LYSMD2: variants seen among roughly 807,000 people sequenced by gnomAD.
LYSMD2 encodes the protein LysM domain containing 2.
In LYSMD2, 6 loss-of-function variants were observed where a neutral mutation model predicts 17.7. The observed-to-expected ratio is 0.34, with a 90% confidence interval of 0.19 to 0.67. The LOEUF (loss-of-function observed/expected upper bound fraction) is 0.67. Among genes scored for constraint, LYSMD2 ranks in the 30% least tolerant of loss-of-function variants. The pLI is 0.69. For missense variants in LYSMD2, 237 were observed against 286.7 expected (o/e 0.83, Z 1.25); for synonymous variants, 102 against 129.8 (o/e 0.79, Z 1.45).
At chr15:51,750,225 C>A (rs1438922031) in intron 1 of LYSMD2, among the ~76,000 whole-genome samples, 1 of 152,226 alleles carries the variant, frequency 6.6e-6, no homozygotes, top group African/African-American at 2.4e-5. Flanking sequence ...AAAATACCTT[C>A]ACTCTGCCTG....
intron 1 of LYSMD2, among the ~76,000 whole-genome samples, chr15:51,743,481 A>G (rs2055653039): frequency 6.6e-6 from 1 of 152,190 alleles, no homozygotes; most frequent in Non-Finnish European, 1.5e-5. Context: ...TGTTCCATTG[A>G]TCTATTTGTC....
chr15:51,731,341 T>A (rs913529760), intron 1 of LYSMD2, among the ~76,000 whole-genome samples: 2 of 152,256 alleles, frequency 1.3e-5, no homozygotes, highest in Admixed American at 1.3e-4. Context: ...TTTATAGTTA[T>A]CTTCTCTTTA....
upstream of LYSMD2, among the ~76,000 whole-genome samples, chr15:51,740,768 G>A (rs893666475): frequency 4.6e-5 from 7 of 151,704 alleles, no homozygotes; most frequent in African/African-American, 1.7e-4. Context: ...AGAGAAAATT[G>A]TTCCTGGTGG....
intron 1 of LYSMD2, among the ~76,000 whole-genome samples, chr15:51,731,898 T>A (rs891150591): frequency 1.3e-5 from 2 of 152,268 alleles, no homozygotes; most frequent in Non-Finnish European, 1.5e-5. Context: ...AATGTCTCAG[T>A]GGAGATAAAC....
chr15:51,744,287 G>A (rs1209918229), intron 1 of LYSMD2, among the ~76,000 whole-genome samples: 1 of 152,048 alleles, frequency 6.6e-6, no homozygotes, highest in African/African-American at 2.4e-5. Context: ...TTTCATAGAT[G>A]TTCTTTATCA....
At chr15:51,733,913 G>A (rs1332085770) in intron 1 of LYSMD2, among the ~76,000 whole-genome samples, 2 of 152,138 alleles carry the variant, frequency 1.3e-5, no homozygotes, top group African/African-American at 4.8e-5. Flanking sequence ...GGCCAGATGC[G>A]GTGGCTCACG....
chr15:51,732,697 G>A (rs1054573641), intron 1 of LYSMD2, among the ~76,000 whole-genome samples: 1 of 152,114 alleles, frequency 6.6e-6, no homozygotes, highest in African/African-American at 2.4e-5. Flanking sequence ...AGGATGCCCA[G>A]GCCCATCTCT....
At chr15:51,729,292 T>G (rs928169327) in intron 1 of LYSMD2, among the ~76,000 whole-genome samples, 7 of 152,000 alleles carry the variant, frequency 4.6e-5, no homozygotes, top group Non-Finnish European at 1.0e-4. Flanking sequence ...CACTGGAGAG[T>G]GAAGGCAGGG....
chr15:51,748,333 T>C (rs555824308), intron 1 of LYSMD2, among the ~76,000 whole-genome samples: 2 of 146,646 alleles, frequency 1.4e-5, no homozygotes, highest in East Asian at 4.2e-4. Context: ...AACTTGGCCA[T>C]AGTCATTGTG....
intron 1 of LYSMD2, 148 bp from the exon 2 acceptor site, chr15:51,725,269 C>T: frequency 1.8e-6 from 1 of 547,568 alleles, no homozygotes; most frequent in African/African-American, 1.9e-5. Context: ...GTTTGGTAAC[C>T]TCCCCAGATA....
At chr15:51,725,978 C>G (rs995534079) in intron 1 of LYSMD2, among the ~76,000 whole-genome samples, 1 of 152,076 alleles carries the variant, frequency 6.6e-6, no homozygotes, top group African/African-American at 2.4e-5. Context: ...TTATGGGGAG[C>G]CTTTAATGCC....
At chr15:51,745,089 C>T (rs2055660822) in intron 1 of LYSMD2, among the ~76,000 whole-genome samples, 1 of 152,098 alleles carries the variant, frequency 6.6e-6, no homozygotes, top group Non-Finnish European at 1.5e-5. Context: ...TCTGAATAGA[C>T]ATAGGACAAG....
chr15:51,741,011 T>C (rs1567230509), upstream of LYSMD2, among the ~76,000 whole-genome samples: 1 of 152,224 alleles, frequency 6.6e-6, no homozygotes, highest in Non-Finnish European at 1.5e-5. Flanking sequence ...AAAATCTCTA[T>C]AGCATTCTTC....
intron 1 of LYSMD2, among the ~76,000 whole-genome samples, chr15:51,749,243 A>C (rs1210983515): frequency 1.3e-5 from 2 of 152,252 alleles, no homozygotes; most frequent in Non-Finnish European, 2.9e-5. Context: ...AAAGAGCTAA[A>C]CAGACTGGAA....
rs1262965020 is a variant in LYSMD2, at chr15:51,725,128, T to C, written c.274-7A>G. The C allele has an allele frequency of 4.5e-6, 7 of 1,541,148 alleles. No homozygotes were observed. Among genetic ancestry groups the C allele is most frequent in the Non-Finnish European group, 6.2e-6 (7 of 1,131,248 alleles). The stretch of plus-strand genomic sequence containing the variant: ...CCCTTTTAATCTGTTCCATCTAAAA[T>C]ATAAAAAAGGAGACACAGAATTACA... On this transcript the variant is annotated splice_region_variant and splice_polypyrimidine_tract_variant and intron_variant, in intron 1 of 2. Transcript: ENST00000267838.
In LYSMD2 at chr15:51,734,610, C is replaced by T. The variant is rs530602488; in HGVS notation, c.273+2740G>A. 1.6e-4 allele frequency among the ~76,000 whole-genome samples: 24 copies of T among 152,320 alleles called. 1 individual carries two copies. In the South Asian group the frequency reaches 5.0e-3, roughly 32 times the overall value. On this transcript the variant is annotated intron_variant, in intron 1 of 2. Transcript: ENST00000267838. ...ACAGGCTTTCCTGAGAGTTTCTGCT[C>T]ATCTGTGCAAGATTGACAGACATGG...
In LYSMD2 at chr15:51,749,709, G is replaced by A. The variant is rs1476935802; in HGVS notation, c.-1+1562C>T. ...CTTTCTCTGGGAAAACTGCTGGCTC[G>A]ATCCGTAAGCAGCCCTGTTCTTATT... On this transcript the variant is annotated intron_variant, in intron 1 of 2. Coordinates refer to the LYSMD2 transcript ENST00000454181. Among the ~76,000 whole-genome samples, 2 of 152,140 alleles carry A rather than the reference G, an allele frequency of 1.3e-5. 1 individual carries two copies. The highest frequency in any genetic ancestry group is 2.9e-5 in the Non-Finnish European group (2 of 68,032).
In LYSMD2 at chr15:51,724,827, A is replaced by T; in HGVS notation, c.568T>A (p.Ser190Thr). 1 of 1,613,926 alleles carries T rather than the reference A, an allele frequency of 6.2e-7. No homozygotes were observed. The highest frequency in any genetic ancestry group is 8.5e-7 in the Non-Finnish European group (1 of 1,179,900). ...LQRLDLQIKL[S>T]TQAAKKLKEE... ...TTTAGCTTCTTGGCTGCCTGTGTTG[A>T]TAACTTAATCTGCAAGTCAAGTCTC... The change falls in exon 2 of 3, where the codon TCA (serine) becomes ACA (threonine). Residue 190 changes from serine to threonine, a missense_variant. By Grantham distance (58) the Ser-to-Thr change is moderately conservative (BLOSUM62 1). Coordinates refer to ENST00000267838, the MANE Select transcript of LYSMD2 (RefSeq NM_153374.3).
At chr15:51,730,940 C>T (rs1037369825) in intron 1 of LYSMD2, among the ~76,000 whole-genome samples, 1 of 152,148 alleles carries the variant, frequency 6.6e-6, no homozygotes, top group Admixed American at 6.5e-5. Context: ...CCCTCCATTG[C>T]TATGTGTTCA....
Sources: allele counts gnomAD v4.1 joint callset (sites outside exome capture counted in the v4.1 genomes callset), GRCh38; gene constraint gnomAD v4.1.1; transcripts MANE v1.5; gene names NCBI Gene and HGNC (gene_info 2026-07-23, HGNC 2026-07-21).